Variants in PDGFC observed in about 807,000 individuals in gnomAD.
PDGFC encodes the protein platelet-derived growth factor C.
In PDGFC, 12 loss-of-function variants were observed where a neutral mutation model predicts 35.5. That is an observed-to-expected ratio of 0.34 (90% CI 0.22 to 0.55). The LOEUF is 0.55. Among genes scored for constraint, PDGFC ranks in the 20% least tolerant of loss-of-function variants. PDGFC has a pLI of 0.91. For missense variants in PDGFC, 322 were observed against 412.4 expected (o/e 0.78, Z 1.90); for synonymous variants, 159 against 148.8 (o/e 1.07, Z -0.50).
At chr4:156,898,039 G>A (rs187205848) in intron 1 of PDGFC, among the ~76,000 whole-genome samples, 3 of 152,282 alleles carry the variant, frequency 2.0e-5, no homozygotes, top group Admixed American at 1.3e-4. Flanking sequence ...CTCCCAACAC[G>A]TATATCTTGA....
At chr4:156,829,945 A>C (rs1728887531) in intron 2 of PDGFC, among the ~76,000 whole-genome samples, 1 of 152,134 alleles carries the variant, frequency 6.6e-6, no homozygotes, top group African/African-American at 2.4e-5. Context: ...ACCACTTGGT[A>C]GTGTGAGAAC....
chr4:156,863,157 A>T (rs1460458225), intron 1 of PDGFC, among the ~76,000 whole-genome samples: 7 of 152,210 alleles, frequency 4.6e-5, no homozygotes, highest in African/African-American at 1.7e-4. Context: ...GTCATCATAT[A>T]ATATCTTGTC....
intron 1 of PDGFC, among the ~76,000 whole-genome samples, chr4:156,885,500 A>C (rs2111181489): frequency 6.6e-6 from 1 of 152,330 alleles, no homozygotes; most frequent in Middle Eastern, 3.4e-3. Context: ...AATTTCTAAC[A>C]ATTTAAATAT....
chr4:156,778,325 C>A, intron 3 of PDGFC: 3 of 217,392 alleles, frequency 1.4e-5, no homozygotes, highest in East Asian at 1.5e-4. Context: ...GAATGTGGAC[C>A]AGAAAAAAAG....
intron 3 of PDGFC, among the ~76,000 whole-genome samples, chr4:156,806,871 A>G (rs1225351305): frequency 1.3e-5 from 2 of 152,058 alleles, no homozygotes; most frequent in Non-Finnish European, 2.9e-5. Context: ...ATTAAACAAG[A>G]AATTTTCCTT....
At chr4:156,816,251 A>C (rs1243504222) in intron 2 of PDGFC, among the ~76,000 whole-genome samples, 1 of 152,178 alleles carries the variant, frequency 6.6e-6, no homozygotes, top group Non-Finnish European at 1.5e-5. Context: ...CCTGCCAACA[A>C]ATGAATGTGG....
chr4:156,950,235 C>T (rs1221595384), intron 1 of PDGFC, among the ~76,000 whole-genome samples: 1 of 151,802 alleles, frequency 6.6e-6, no homozygotes, highest in Non-Finnish European at 1.5e-5. Flanking sequence ...ATAAATGCCC[C>T]CTTTCCCTCC....
At chr4:156,966,151 G>A (rs553305013) in intron 1 of PDGFC, among the ~76,000 whole-genome samples, 1 of 152,142 alleles carries the variant, frequency 6.6e-6, no homozygotes, top group South Asian at 2.1e-4. Flanking sequence ...TTTAAAAAAT[G>A]GGAGATTTGA....
chr4:156,837,323 G>A (rs1349477944), intron 2 of PDGFC, among the ~76,000 whole-genome samples: 2 of 152,172 alleles, frequency 1.3e-5, no homozygotes, highest in African/African-American at 2.4e-5. Flanking sequence ...AGGCTGCAGT[G>A]AGCCGAGATT....
chr4:156,941,573 T>C (rs1731806785), intron 1 of PDGFC, among the ~76,000 whole-genome samples: 1 of 152,206 alleles, frequency 6.6e-6, no homozygotes, highest in South Asian at 2.1e-4. Flanking sequence ...TCAATGTTAT[T>C]ATTATTTGCT....
At chr4:156,808,229 A>G (rs1468434876) in intron 3 of PDGFC, among the ~76,000 whole-genome samples, 4 of 152,098 alleles carry the variant, frequency 2.6e-5, no homozygotes, top group East Asian at 1.9e-4. Flanking sequence ...CTGAATTTCT[A>G]TGAAATCTTA....
intron 2 of PDGFC, among the ~76,000 whole-genome samples, chr4:156,831,071 T>C (rs1728920988): frequency 6.6e-6 from 1 of 152,178 alleles, no homozygotes; most frequent in Non-Finnish European, 1.5e-5. Context: ...GCATGGTATT[T>C]CCTCCATACA....
At chr4:156,839,497 T>A (rs1729146944) in intron 2 of PDGFC, among the ~76,000 whole-genome samples, 2 of 152,196 alleles carry the variant, frequency 1.3e-5, no homozygotes, top group Admixed American at 1.3e-4. Context: ...CTTTCCTTTA[T>A]AAATTACCCA....
intron 2 of PDGFC, among the ~76,000 whole-genome samples, chr4:156,812,172 T>C (rs1291433291): frequency 6.6e-6 from 1 of 152,062 alleles, no homozygotes; most frequent in African/African-American, 2.4e-5. Flanking sequence ...AACATGTCAC[T>C]AACAGGAATA....
At chr4:156,871,942 C>T (rs1340608667) in intron 1 of PDGFC, among the ~76,000 whole-genome samples, 3 of 151,812 alleles carry the variant, frequency 2.0e-5, no homozygotes, top group Admixed American at 6.6e-5. Flanking sequence ...GGCTATTTCT[C>T]AAATAGTTTT....
chr4:156,889,745 GT>G (rs1042999486), intron 1 of PDGFC, among the ~76,000 whole-genome samples: 1 of 151,954 alleles, frequency 6.6e-6, no homozygotes, highest in Non-Finnish European at 1.5e-5. Context: ...TTTGGTTTTG[GT>G]TTTTTTTCTA....
chr4:156,919,708 A>T (rs949225915), intron 1 of PDGFC, among the ~76,000 whole-genome samples: 1 of 152,170 alleles, frequency 6.6e-6, no homozygotes, highest in Non-Finnish European at 1.5e-5. Context: ...GACTTCCTGT[A>T]GTCATTTGGA....
chr4:156,903,104 A>AGAGTGTGT (rs368483475), intron 1 of PDGFC, among the ~76,000 whole-genome samples: 1,841 of 130,716 alleles, frequency 0.014, 44 homozygotes, highest in African/African-American at 0.046. Flanking sequence ...AGAGAGAGAG[A>AGAGTGTGT]GTGTGTGTGT....
At chr4:156,782,130 A>C (rs559750805) in intron 3 of PDGFC, among the ~76,000 whole-genome samples, 242 of 152,248 alleles carry the variant, frequency 1.6e-3, no homozygotes, top group African/African-American at 5.6e-3. Flanking sequence ...CTTCTAAAAC[A>C]GATTTATATT....
Sources: allele counts gnomAD v4.1 joint callset (sites outside exome capture counted in the v4.1 genomes callset), GRCh38; gene constraint gnomAD v4.1.1; transcripts MANE v1.5; gene names NCBI Gene and HGNC (gene_info 2026-07-23, HGNC 2026-07-21).